PPIP5K2: variants seen among roughly 807,000 people sequenced by gnomAD.
PPIP5K2 encodes the protein inositol hexakisphosphate and diphosphoinositol-pentakisphosphate kinase 2.
Under a neutral mutation model 154.6 loss-of-function variants are expected in PPIP5K2, and 105 were observed. The observed-to-expected ratio is 0.68, with a 90% CI of 0.58 to 0.80. PPIP5K2 has a LOEUF of 0.80. Among genes scored for constraint, PPIP5K2 ranks in the 30% least tolerant of loss-of-function variants. PPIP5K2 has a pLI of 0.00. For synonymous variants in PPIP5K2, 480 were observed against 490.3 expected (o/e 0.98, Z 0.28); for missense variants, 992 against 1,504.6 (o/e 0.66, Z 5.64).
At position 103,184,689 on chromosome 5, in the gene PPIP5K2, T is replaced by C; in HGVS notation, c.3114T>C (p.Ala1038=). ...GSWQQVVSEN[A]NYLRTPRTLV... Reference sequence around the variant, plus strand: ...TTATGCAGGTTGTATCTGAAAATGCTAATTACCTGAGAACACCAAGAACTC... The same window carrying C: ...TTATGCAGGTTGTATCTGAAAATGCCAATTACCTGAGAACACCAAGAACTC... The change falls in exon 26 of 31, where the codon GCT becomes GCC. Residue 1038 remains alanine, a synonymous_variant. Coordinates refer to ENST00000358359, the MANE Select transcript of PPIP5K2 (RefSeq NM_001276277.3). The C allele has an allele frequency of 6.2e-7, 1 of 1,612,252 alleles. No homozygotes were observed. Among genetic ancestry groups the C allele is most frequent in the African/African-American group, 1.3e-5 (1 of 74,992 alleles).
rs781870711 is a variant in PPIP5K2 at position 103,158,199 on chromosome 5, G to C, written c.1501G>C (p.Glu501Gln). 9 of 1,613,140 alleles carry C rather than the reference G, an allele frequency of 5.6e-6. No individual in the cohort carries two copies. The highest frequency in any genetic ancestry group is 7.6e-6 in the Non-Finnish European group (9 of 1,179,116). ...TSSEEEDSRR[E>Q]EPSLLLVLKW... ...CATATGTGTCATAGACAGCCGAAGAGAAGAACCATCTTTACTTTTGGTTCT... is the reference window on the plus strand; with the variant it reads ...CATATGTGTCATAGACAGCCGAAGACAAGAACCATCTTTACTTTTGGTTCT... Residue 501 changes from glutamate to glutamine, a missense_variant, in exon 15 of 31, where the codon GAA (glutamate) becomes CAA (glutamine). By Grantham distance (29) the Glu-to-Gln change is conservative. Transcript: ENST00000358359.
At chr5:103,121,452 G>T (rs1303832190) in intron 1 of PPIP5K2, among the ~76,000 whole-genome samples, 1 of 152,152 alleles carries the variant, frequency 6.6e-6, no homozygotes, top group Non-Finnish European at 1.5e-5. Context: ...ATAAGTAAAC[G>T]TTTGAATCTG....
chr5:103,201,594 A>G lies in PPIP5K2; in HGVS notation c.3692A>G (p.Glu1231Gly). ...SRKKNITSKT[E>G]THEHKKNTGK... The stretch of plus-strand genomic sequence containing the variant: ...AAAAAGAATATAACTAGCAAAACAG[A>G]AACGCATGAACACAAAAAAAACACT... The change falls in exon 31 of 31, where the codon GAA becomes GGA. Residue 1231 changes from glutamate to glycine, a missense_variant. Transcript: ENST00000358359. 6.2e-7 allele frequency: 1 copy of G among 1,610,776 alleles called. No individual in the cohort carries two copies.
chr5:103,126,485 CTA>C (rs1438061408), intron 1 of PPIP5K2, among the ~76,000 whole-genome samples: 1 of 152,086 alleles, frequency 6.6e-6, no homozygotes, highest in Non-Finnish European at 1.5e-5. Context: ...ATTGAAAAGA[CTA>C]TGTATTAGTC....
At chr5:103,195,616 C>T (rs1554228286) in intron 30 of PPIP5K2, among the ~76,000 whole-genome samples, 1 of 152,136 alleles carries the variant, frequency 6.6e-6, no homozygotes, top group Non-Finnish European at 1.5e-5. Context: ...GAAATGCTCT[C>T]TTACCCTATT....
At chr5:103,140,093 C>T (rs756928328) in intron 5 of PPIP5K2, among the ~76,000 whole-genome samples, 15 of 148,226 alleles carry the variant, frequency 1.0e-4, no homozygotes, top group Non-Finnish European at 2.1e-4. Context: ...CTCCTTTCTT[C>T]GTTTTTCTTT....
intron 8 of PPIP5K2, among the ~76,000 whole-genome samples, chr5:103,149,857 C>T (rs111680911): frequency 0.016 from 2,477 of 151,788 alleles, 59 homozygotes; most frequent in African/African-American, 0.057. Context: ...CCACCATGCC[C>T]GGCTAATTTT....
rs1554231821 is a variant in PPIP5K2 at position 103,204,972 on chromosome 5, A to G, written c.*3338A>G. On this transcript the variant is annotated 3_prime_UTR_variant, in exon 31 of 31. Coordinates refer to ENST00000358359, the MANE Select transcript of PPIP5K2 (RefSeq NM_001276277.3). ...CTGCACCCATGAACTCATCATTTACATTAGGTATTTCTCCTAATGCTATCC... is the reference window on the plus strand; with the variant it reads ...CTGCACCCATGAACTCATCATTTACGTTAGGTATTTCTCCTAATGCTATCC... 2 of 152,182 alleles carry G rather than the reference A, an allele frequency of 1.3e-5. No homozygotes were observed. Among genetic ancestry groups the G allele is most frequent in the Admixed American group, 1.3e-4 (2 of 15,286 alleles). 9.4% of individuals were successfully genotyped at this position (152,182 alleles called of 1,614,324 possible). A position where few individuals can be genotyped will look rare whatever the true frequency, so the allele number is the denominator to read the frequency against.
intron 30 of PPIP5K2, among the ~76,000 whole-genome samples, chr5:103,195,805 C>T (rs1489645846): frequency 6.6e-6 from 1 of 152,104 alleles, no homozygotes; most frequent in Non-Finnish European, 1.5e-5. Context: ...TGACAACAGC[C>T]TCATTGCAGA....
At position 103,201,501 on chromosome 5, in the gene PPIP5K2, TTTTG is replaced by T; in HGVS notation, c.3620-17_3620-14del. ...GTAAATTTAAGCAATAGTTTTTTTT[TTTTG>T]TTTTTGTTTTATGTAGCTACAAGTG... is the stretch of plus-strand genomic sequence containing the variant. On this transcript the variant is annotated splice_polypyrimidine_tract_variant and intron_variant, in intron 30 of 30. Transcript: ENST00000358359. 1 of 1,445,602 alleles carries T rather than the reference TTTTG, an allele frequency of 6.9e-7. No individual in the cohort carries two copies. The highest frequency in any genetic ancestry group is 9.4e-7 in the Non-Finnish European group (1 of 1,068,144). The allele number at this position is 1,445,602 out of a possible 1,614,324, so 89.5% of individuals were successfully genotyped here.
rs1491110138 is a variant in PPIP5K2 at position 103,207,577 on chromosome 5, T to TAA, written c.*5944_*5945insAA. On this transcript the variant is annotated 3_prime_UTR_variant, in exon 31 of 31. Coordinates refer to ENST00000358359, the MANE Select transcript of PPIP5K2 (RefSeq NM_001276277.3). ...TTGAATTATATTTAATTTTAAAGTC[T>TAA]ATATATATATATATATAGATCCTAT... The TAA allele has an allele frequency of 4.9e-3, 725 of 148,684 alleles. 6 individuals are homozygous for TAA. The highest frequency in any genetic ancestry group is 0.017 in the African/African-American group (710 of 41,072). 9.2% of individuals were successfully genotyped at this position (148,684 alleles called of 1,614,324 possible).
Position 103,133,657 on chromosome 5 carries a change from G to A in PPIP5K2, c.310+9G>A. ...TTCTTTCCATTCTAAAGGTATTAAG[G>A]GGAGTGGGGGAGAAACTCCTTTATC... On this transcript the variant is annotated intron_variant, in intron 3 of 30. Coordinates refer to ENST00000358359, the MANE Select transcript of PPIP5K2 (RefSeq NM_001276277.3). 1 of 1,559,746 alleles carries A rather than the reference G, an allele frequency of 6.4e-7. No individual in the cohort carries two copies. Among genetic ancestry groups the A allele is most frequent in the Non-Finnish European group, 8.6e-7 (1 of 1,157,324 alleles).
chr5:103,183,672 G>T (rs1799924643), intron 25 of PPIP5K2, among the ~76,000 whole-genome samples: 1 of 152,012 alleles, frequency 6.6e-6, no homozygotes, highest in Admixed American at 6.6e-5. Flanking sequence ...TATTCTCCTG[G>T]AATTTCACCT....
At chr5:103,152,792 C>A in intron 10 of PPIP5K2, 43 bp downstream of exon 10, 3 of 1,300,010 alleles carry the variant, frequency 2.3e-6, no homozygotes, top group Non-Finnish European at 3.3e-6. Context: ...GTTTTCCTTG[C>A]CATCTGTGCT....
Position 103,149,327 on chromosome 5 carries a change from C to G in PPIP5K2, c.906+14C>G. 1.2e-6 allele frequency: 2 copies of G among 1,609,248 alleles called. No homozygotes were observed. Among genetic ancestry groups the G allele is most frequent in the Non-Finnish European group, 1.7e-6 (2 of 1,177,214 alleles). ...CTTGCTTTTAAGGTAAGATGTTATA[C>G]AGGCCTATAGATCCTTATAAAGGTA... is the stretch of plus-strand genomic sequence containing the variant. On this transcript the variant is annotated intron_variant, in intron 8 of 30. Transcript: ENST00000358359.
At chr5:103,191,069 A>G in intron 29 of PPIP5K2, 87 bp downstream of exon 29, 1 of 1,320,102 alleles carries the variant, frequency 7.6e-7, no homozygotes, top group Non-Finnish European at 1.0e-6. Context: ...ACAACATAAA[A>G]GCAGGTAGTG....
chr5:103,184,765 T>G, intron 26 of PPIP5K2, 21 bp downstream of exon 26: 1 of 1,585,176 alleles, frequency 6.3e-7, no homozygotes, highest in Non-Finnish European at 8.7e-7. Flanking sequence ...TAAAGGAAAT[T>G]GTGTTCCATA....
At chr5:103,187,465 C>A in intron 28 of PPIP5K2, 89 bp downstream of exon 28, 1 of 1,026,728 alleles carries the variant, frequency 9.7e-7, no homozygotes, top group Non-Finnish European at 1.4e-6. Context: ...TATACAGTAT[C>A]ATTCATTTCT....
chr5:103,179,929 C>A, intron 23 of PPIP5K2, 92 bp from the exon 24 acceptor site: 1 of 1,094,484 alleles, frequency 9.1e-7, no homozygotes, highest in Non-Finnish European at 1.3e-6. Flanking sequence ...ATATGTATTT[C>A]AAGTACCTCT....
Sources: gnomAD v4.1 joint callset for allele counts (sites outside exome capture counted in the v4.1 genomes callset) on GRCh38, gnomAD v4.1.1 for gene constraint, MANE v1.5 for transcripts, NCBI Gene and HGNC (gene_info 2026-07-23, HGNC 2026-07-21) for gene names.